Variants in PTPRN2 observed in about 807,000 individuals in gnomAD.
The protein encoded by PTPRN2 is receptor-type tyrosine-protein phosphatase N2.
PTPRN2 carries 74 observed loss-of-function variants against 118.8 expected under a neutral mutation model. The observed-to-expected ratio is 0.62, with a 90% CI of 0.52 to 0.76. The LOEUF (loss-of-function observed/expected upper bound fraction) is 0.76, where lower values mean the gene tolerates loss of function less well. Among genes scored for constraint, PTPRN2 ranks in the 30% least tolerant of loss-of-function variants. The pLI, the probability that PTPRN2 is intolerant of heterozygous loss-of-function variation, is 0.00. For synonymous variants in PTPRN2, 641 were observed against 608.0 expected (o/e 1.05, Z -0.80); for missense variants, 1,481 against 1,394.4 (o/e 1.06, Z -0.99).
At chr7:158,173,976 C>T (rs775913887) in intron 5 of PTPRN2, among the ~76,000 whole-genome samples, 8 of 152,104 alleles carry the variant, frequency 5.3e-5, no homozygotes, top group South Asian at 2.1e-4. Flanking sequence ...ACAGTTTGTA[C>T]CATTAATGCA....
intron 13 of PTPRN2, among the ~76,000 whole-genome samples, chr7:157,661,515 C>A (rs1417927006): frequency 2.0e-5 from 3 of 152,258 alleles, no homozygotes; most frequent in African/African-American, 7.2e-5. Context: ...CTGAACCCAC[C>A]GCTACCAAGT....
intron 3 of PTPRN2, among the ~76,000 whole-genome samples, chr7:158,257,345 C>T (rs1015167195): frequency 6.6e-6 from 1 of 152,174 alleles, no homozygotes; most frequent in Non-Finnish European, 1.5e-5. Context: ...ACCAAATGTT[C>T]AGAGAGTCTA....
chr7:157,753,452 A>G (rs1291647814), intron 12 of PTPRN2, among the ~76,000 whole-genome samples: 1 of 152,098 alleles, frequency 6.6e-6, no homozygotes. Context: ...GCCCATTACA[A>G]AGTGACCAGC....
intron 12 of PTPRN2, among the ~76,000 whole-genome samples, chr7:157,685,880 C>G (rs1797162255): frequency 6.6e-6 from 1 of 152,138 alleles, no homozygotes; most frequent in Non-Finnish European, 1.5e-5. Flanking sequence ...CGCCCGGCTC[C>G]CTGCTGCCTA....
chr7:157,623,103 A>G (rs991565637), intron 14 of PTPRN2, among the ~76,000 whole-genome samples: 2 of 152,240 alleles, frequency 1.3e-5, no homozygotes, highest in African/African-American at 4.8e-5. Context: ...CAATCTAGGA[A>G]ATGCTACACA....
chr7:157,616,432 TCTCTTCC>T (rs1198912324), intron 15 of PTPRN2: 6 of 152,154 alleles, frequency 3.9e-5, no homozygotes, highest in African/African-American at 1.4e-4. Context: ...ACTCTGTAGA[TCTCTTCC>T]TAAAAAAGAA....
At chr7:157,829,235 C>A (rs191573197) in intron 12 of PTPRN2, among the ~76,000 whole-genome samples, 2 of 152,290 alleles carry the variant, frequency 1.3e-5, no homozygotes, top group Non-Finnish European at 2.9e-5. Flanking sequence ...TATTTAAAGT[C>A]AAAAACAAAA....
At chr7:158,524,531 C>G (rs1236423629) in intron 1 of PTPRN2, among the ~76,000 whole-genome samples, 1 of 149,044 alleles carries the variant, frequency 6.7e-6, no homozygotes, top group African/African-American at 2.5e-5. Flanking sequence ...TGGAGTCTGC[C>G]CTGGAGTGGA....
chr7:158,445,165 C>T (rs564437271), intron 2 of PTPRN2, among the ~76,000 whole-genome samples: 1 of 152,332 alleles, frequency 6.6e-6, no homozygotes, highest in South Asian at 2.1e-4. Context: ...GGGGGCAGGC[C>T]CTGGGTGACA....
intron 12 of PTPRN2, among the ~76,000 whole-genome samples, chr7:157,745,565 G>T (rs1377523966): frequency 6.6e-6 from 1 of 152,044 alleles, no homozygotes; most frequent in Non-Finnish European, 1.5e-5. Flanking sequence ...CCCTCCATTT[G>T]CACCTCAGTC....
intron 11 of PTPRN2, among the ~76,000 whole-genome samples, chr7:157,957,912 C>T (rs1305634651): frequency 1.3e-5 from 2 of 152,158 alleles, no homozygotes; most frequent in African/African-American, 4.8e-5. Flanking sequence ...TACTCTGACA[C>T]GAAAGCCAGA....
Position 158,138,960 on chromosome 7 carries a change from GCACACCCTGCCCA to G in PTPRN2, c.911-458_911-446del, listed in dbSNP as rs1345832231. ...CGCCCTGCCCAGGACACCCTGCCCAGCACACCCTGCCCAGCACACCCTGCCCAGCACACCCTGC... is the reference window on the plus strand; with the variant it reads ...CGCCCTGCCCAGGACACCCTGCCCAGGCACACCCTGCCCAGCACACCCTGC... On this transcript the variant is annotated intron_variant, in intron 6 of 22. Coordinates refer to ENST00000389418, the MANE Select transcript of PTPRN2 (RefSeq NM_002847.5). 1.3e-4 allele frequency among the ~76,000 whole-genome samples: 17 copies of G among 134,956 alleles called. No individual in the cohort carries two copies. In the South Asian group the frequency reaches 3.7e-3, roughly 29 times the overall value. The allele number at this position is 134,956 out of a possible 152,430, so 88.5% of individuals were successfully genotyped here. A position where few individuals can be genotyped will look rare whatever the true frequency, so the allele number is the denominator to read the frequency against.
intron 17 of PTPRN2, among the ~76,000 whole-genome samples, chr7:157,592,576 C>A (rs1005012626): frequency 6.7e-6 from 1 of 149,212 alleles, no homozygotes; most frequent in Non-Finnish European, 1.5e-5. Flanking sequence ...GGATGTGGCA[C>A]CTGCTGAACC....
At chr7:158,149,480 A>C (rs922557243) in intron 6 of PTPRN2, among the ~76,000 whole-genome samples, 9 of 152,098 alleles carry the variant, frequency 5.9e-5, no homozygotes, top group Non-Finnish European at 8.8e-5. Context: ...TCTCTAACAA[A>C]GGCAATCCAA....
chr7:157,756,364 G>A (rs1256425939), intron 12 of PTPRN2, among the ~76,000 whole-genome samples: 5 of 151,312 alleles, frequency 3.3e-5, no homozygotes, highest in South Asian at 2.1e-4. Flanking sequence ...GCGCGATCTC[G>A]GCTCACTGCA....
intron 6 of PTPRN2, among the ~76,000 whole-genome samples, chr7:158,151,514 T>TGCCCA (rs1563522262): frequency 2.7e-4 from 39 of 146,180 alleles, no homozygotes; most frequent in East Asian, 4.1e-4. Context: ...TTTCTGCTCC[T>TGCCCA]CACCGCACGT....
chr7:158,202,404 G>A (rs1007212157), intron 4 of PTPRN2, among the ~76,000 whole-genome samples: 9 of 152,242 alleles, frequency 5.9e-5, no homozygotes, highest in African/African-American at 1.9e-4. Context: ...GGAGGCCTTT[G>A]GGTCAGCAGG....
At chr7:158,262,454 C>G (rs1026311442) in intron 3 of PTPRN2, among the ~76,000 whole-genome samples, 1 of 148,452 alleles carries the variant, frequency 6.7e-6, no homozygotes, top group African/African-American at 2.5e-5. Flanking sequence ...ACTGCACACG[C>G]AGATTCACAC....
At chr7:157,563,184 T>G (rs1252838085) in intron 21 of PTPRN2, among the ~76,000 whole-genome samples, 3 of 110,142 alleles carry the variant, frequency 2.7e-5, no homozygotes, top group Admixed American at 9.4e-5. Context: ...ACACAGCAGA[T>G]CAGGACCACG....
Sources: allele counts gnomAD v4.1 joint callset (sites outside exome capture counted in the v4.1 genomes callset), GRCh38; gene constraint gnomAD v4.1.1; transcripts MANE v1.5; gene names NCBI Gene and HGNC (gene_info 2026-07-23, HGNC 2026-07-21).